PRKCB: variants seen among roughly 807,000 people sequenced by gnomAD.
The protein encoded by PRKCB is protein kinase C beta.
Under a neutral mutation model 81.5 loss-of-function variants are expected in PRKCB, and 13 were observed. The ratio of observed to expected loss-of-function variants is 0.16; its 90% CI spans 0.10 to 0.25. The LOEUF is 0.25. Ranked by LOEUF, PRKCB falls within the 10% of genes least tolerant of loss-of-function variation. The probability of loss-of-function intolerance (pLI) is 1.00; values close to 1 mark genes in which losing one functional copy is unlikely to be tolerated. For missense variants in PRKCB, 509 were observed against 875.7 expected (o/e 0.58, Z 5.29); for synonymous variants, 335 against 321.4 (o/e 1.04, Z -0.45).
chr16:24,215,060 A>G lies in PRKCB; in HGVS notation c.*244A>G. The G allele has an allele frequency of 8.0e-7, 1 of 1,254,740 alleles. No individual in the cohort carries two copies. Among genetic ancestry groups the G allele is most frequent in the East Asian group, 3.5e-5 (1 of 28,492 alleles). The allele number at this position is 1,254,740 out of a possible 1,614,324, so 77.7% of individuals were successfully genotyped here. Reference sequence around the variant, plus strand: ...TAACACATTATCAAAGTCCTCTTACAATTTATTTTCCGCAGCATGTCAGCT... The same window carrying G: ...TAACACATTATCAAAGTCCTCTTACGATTTATTTTCCGCAGCATGTCAGCT... On this transcript the variant is annotated 3_prime_UTR_variant, in exon 17 of 17. Coordinates refer to ENST00000643927, the MANE Select transcript of PRKCB (RefSeq NM_002738.7).
intron 2 of PRKCB, among the ~76,000 whole-genome samples, chr16:23,955,612 A>G (rs994901948): frequency 3.3e-5 from 5 of 152,166 alleles, no homozygotes; most frequent in African/African-American, 1.2e-4. Context: ...AGAAAAGTGC[A>G]TGGAGAGAGA....
At chr16:23,869,395 G>T in intron 2 of PRKCB, 1 of 247,580 alleles carries the variant, frequency 4.0e-6, no homozygotes, top group Non-Finnish European at 8.3e-6. Flanking sequence ...TAGAATTTTG[G>T]GGTTGCTTAT....
intron 3 of PRKCB, among the ~76,000 whole-genome samples, chr16:24,026,128 T>C (rs942305221): frequency 5.9e-5 from 9 of 152,056 alleles, no homozygotes; most frequent in African/African-American, 1.9e-4. Context: ...AAAAACCCTG[T>C]CTCTACAAAA....
intron 2 of PRKCB, among the ~76,000 whole-genome samples, chr16:23,849,734 TTGA>T (rs1264232928): frequency 6.6e-6 from 1 of 152,228 alleles, no homozygotes; most frequent in African/African-American, 2.4e-5. Context: ...CAAATCATAA[TTGA>T]TGGGGTACAA....
chr16:24,202,090 G>A (rs138435636), intron 16 of PRKCB, among the ~76,000 whole-genome samples: 1 of 151,330 alleles, frequency 6.6e-6, no homozygotes, highest in African/African-American at 2.4e-5. Context: ...TAGAAGAAAA[G>A]ACAATGCCTG....
intron 2 of PRKCB, among the ~76,000 whole-genome samples, chr16:23,952,079 T>G (rs1005618852): frequency 2.0e-5 from 3 of 152,142 alleles, no homozygotes; most frequent in African/African-American, 4.8e-5. Context: ...TGAGTTTTTT[T>G]TGTGTGTAAA....
intron 5 of PRKCB, among the ~76,000 whole-genome samples, chr16:24,055,839 G>GTC (rs879520051): frequency 3.5e-4 from 53 of 151,884 alleles, no homozygotes; most frequent in African/African-American, 1.3e-3. Flanking sequence ...AATCCTTTCA[G>GTC]TCTCTCTCTC....
At chr16:24,169,971 A>G (rs1351214112) in intron 10 of PRKCB, among the ~76,000 whole-genome samples, 2 of 152,052 alleles carry the variant, frequency 1.3e-5, no homozygotes, top group Non-Finnish European at 2.9e-5. Flanking sequence ...TAGTAGAGAC[A>G]GGGTTTCACT....
chr16:24,174,690 C>A, intron 12 of PRKCB, 110 bp downstream of exon 12: 2 of 1,029,286 alleles, frequency 1.9e-6, no homozygotes, highest in Admixed American at 2.3e-5. Flanking sequence ...GGGGAGGAAT[C>A]CTCCAGAACT....
At chr16:24,098,896 G>T (rs1013282088) in intron 7 of PRKCB, 1 of 152,156 alleles carries the variant, frequency 6.6e-6, no homozygotes, top group African/African-American at 2.4e-5. Context: ...AGTTCACACG[G>T]TCATCTTTTT....
chr16:24,109,322 C>T (rs1213880143), intron 7 of PRKCB, among the ~76,000 whole-genome samples: 1 of 80,906 alleles, frequency 1.2e-5, no homozygotes, highest in African/African-American at 5.8e-5. Flanking sequence ...GGGTGGCTGC[C>T]GGGCGGAGAC....
At chr16:23,865,517 ATGTG>A (rs1160958906) in intron 2 of PRKCB, among the ~76,000 whole-genome samples, 98 of 6,688 alleles carry the variant, frequency 0.015, 1 homozygote, top group Non-Finnish European at 0.02. Flanking sequence ...ATATATATAT[ATGTG>A]TGTGTGTGTG....
chr16:24,063,009 G>A (rs1347113804), intron 5 of PRKCB, among the ~76,000 whole-genome samples: 2 of 151,936 alleles, frequency 1.3e-5, no homozygotes, highest in Non-Finnish European at 2.9e-5. Flanking sequence ...AGAAGATGCG[G>A]CATTTCTGTC....
At chr16:23,883,416 G>A (rs1012530361) in intron 2 of PRKCB, among the ~76,000 whole-genome samples, 1 of 152,144 alleles carries the variant, frequency 6.6e-6, no homozygotes, top group Non-Finnish European at 1.5e-5. Flanking sequence ...CTGGGGCGTG[G>A]TGGGTGTGGG....
At chr16:24,027,225 A>G (rs1364432520) in intron 3 of PRKCB, among the ~76,000 whole-genome samples, 6 of 151,964 alleles carry the variant, frequency 3.9e-5, no homozygotes, top group Non-Finnish European at 8.8e-5. Context: ...ACTCCCACTT[A>G]TGAGTGAGAA....
At chr16:24,028,876 C>T (rs1302382637) in intron 3 of PRKCB, among the ~76,000 whole-genome samples, 2 of 152,174 alleles carry the variant, frequency 1.3e-5, no homozygotes, top group Middle Eastern at 3.4e-3. Context: ...CTGCAACCTC[C>T]GCCTCCTGGG....
chr16:24,150,758 T>G (rs1967068019), intron 9 of PRKCB, among the ~76,000 whole-genome samples: 1 of 152,216 alleles, frequency 6.6e-6, no homozygotes, highest in Non-Finnish European at 1.5e-5. Context: ...ATTCTCTTGA[T>G]CCAGACCGTC....
chr16:23,921,803 T>TA (rs532539942), intron 2 of PRKCB, among the ~76,000 whole-genome samples: 1 of 151,700 alleles, frequency 6.6e-6, no homozygotes, highest in African/African-American at 2.4e-5. Flanking sequence ...AAAAAATAAA[T>TA]AAAAAAAGAT....
rs550146775 is a variant in PRKCB at position 24,010,107 on chromosome 16, T to C, written c.288+21517T>C. On this transcript the variant is annotated intron_variant, in intron 3 of 16. Transcript: ENST00000643927. ...GGCCACATGATATTGAAAGGACACATAGCATCCTGTTCATCAGGATGTCCA... is the reference window on the plus strand; with the variant it reads ...GGCCACATGATATTGAAAGGACACACAGCATCCTGTTCATCAGGATGTCCA... 2.0e-5 allele frequency among the ~76,000 whole-genome samples: 3 copies of C among 152,234 alleles called. No homozygotes were observed. In the East Asian group the frequency reaches 5.8e-4, roughly 29 times the overall value.
Sources: gnomAD v4.1 joint callset for allele counts (sites outside exome capture counted in the v4.1 genomes callset) on GRCh38, gnomAD v4.1.1 for gene constraint, MANE v1.5 for transcripts, NCBI Gene and HGNC (gene_info 2026-07-23, HGNC 2026-07-21) for gene names.